PCGF5: variants seen among roughly 807,000 people sequenced by gnomAD.
The protein encoded by PCGF5 is polycomb group ring finger 5.
In PCGF5, 9 loss-of-function variants were observed where a neutral mutation model predicts 44.3. The observed-to-expected ratio is 0.20, with a 90% confidence interval of 0.12 to 0.35. The LOEUF (loss-of-function observed/expected upper bound fraction) is 0.35, where lower values mean the gene tolerates loss of function less well. PCGF5 is among the 10% of genes least tolerant of loss of function. PCGF5 has a pLI of 1.00. For synonymous variants in PCGF5, 95 were observed against 102.5 expected, an observed-to-expected ratio of 0.93 and a Z score of 0.44; for missense variants, 146 against 305.3, an observed-to-expected ratio of 0.48 and a Z score of 3.89.
chr10:91,252,961 A>G (rs912038755), intron 6 of PCGF5, among the ~76,000 whole-genome samples: 1 of 151,874 alleles, frequency 6.6e-6, no homozygotes, highest in Admixed American at 6.6e-5. Context: ...TTTTTCCTTT[A>G]TGGACTTTTC....
chr10:91,221,284 G>A (rs1476899237), intron 1 of PCGF5, among the ~76,000 whole-genome samples: 1 of 152,154 alleles, frequency 6.6e-6, no homozygotes, highest in African/African-American at 2.4e-5. Flanking sequence ...ACCACCCCAG[G>A]TCGGGACCGT....
chr10:91,193,642 G>T (rs893959022), intron 1 of PCGF5, among the ~76,000 whole-genome samples: 1 of 151,978 alleles, frequency 6.6e-6, no homozygotes, highest in African/African-American at 2.4e-5. Context: ...ACCATGAAGG[G>T]CTTTGGCTTT....
In PCGF5 at chr10:91,220,676, C is replaced by G. The variant is rs1844647763; in HGVS notation, c.-344C>G. The G allele has an allele frequency of 6.6e-6, 1 of 151,698 alleles. No individual in the cohort carries two copies. The highest frequency in any genetic ancestry group is 2.1e-4 in the South Asian group (1 of 4,834). 9.4% of individuals were successfully genotyped at this position (151,698 alleles called of 1,614,324 possible). ...CCGCCGCGCCCTGTCGGGCCTGAGC[C>G]GAGTGGCCCCACAGAGCCGGCGCGC... is the stretch of plus-strand genomic sequence containing the variant. On this transcript the variant is annotated 5_prime_UTR_variant, in exon 1 of 10. Transcript: ENST00000336126.
chr10:91,207,102 A>G (rs552046147), intron 1 of PCGF5, among the ~76,000 whole-genome samples: 1 of 152,314 alleles, frequency 6.6e-6, no homozygotes, highest in African/African-American at 2.4e-5. Context: ...TAGGAGGTGC[A>G]TTTTCTAAGA....
intron 9 of PCGF5, among the ~76,000 whole-genome samples, chr10:91,274,925 A>G (rs1846269325): frequency 1.3e-5 from 2 of 152,160 alleles, no homozygotes; most frequent in Non-Finnish European, 2.9e-5. Context: ...ATTCAATTCT[A>G]CCTCACATTT....
chr10:91,189,963 GA>G (rs1221882439), intron 1 of PCGF5, among the ~76,000 whole-genome samples: 1 of 152,192 alleles, frequency 6.6e-6, no homozygotes, highest in Non-Finnish European at 1.5e-5. Flanking sequence ...AAGCCAGACA[GA>G]AATTAAAGTG....
chr10:91,271,848 T>C lies in PCGF5; in HGVS notation c.723+151T>C, dbSNP rs183492618. The C allele has an allele frequency of 8.1e-4, 472 of 584,374 alleles. 1 individual carries two copies. The highest frequency in any genetic ancestry group is 8.0e-3 in the African/African-American group (428 of 53,490). 36.2% of individuals were successfully genotyped at this position (584,374 alleles called of 1,614,324 possible). ...CTTTTCAACTTATATACCCAAGATTTCCCATTATTTTAGTTCTCCTGAATT... is the reference window on the plus strand; with the variant it reads ...CTTTTCAACTTATATACCCAAGATTCCCCATTATTTTAGTTCTCCTGAATT... On this transcript the variant is annotated intron_variant, in intron 9 of 9. Coordinates refer to ENST00000336126, the MANE Select transcript of PCGF5 (RefSeq NM_032373.5).
intron 9 of PCGF5, 61 bp from the exon 10 acceptor site, chr10:91,278,208 T>C: frequency 7.4e-7 from 1 of 1,355,014 alleles, no homozygotes; most frequent in Non-Finnish European, 1.1e-6. Context: ...ATCTTTCATA[T>C]ATAAACTGTA....
intron 1 of PCGF5, among the ~76,000 whole-genome samples, chr10:91,172,412 C>A (rs992107430): frequency 2.0e-5 from 3 of 151,418 alleles, no homozygotes; most frequent in African/African-American, 7.3e-5. Context: ...GAATGAAACT[C>A]CCCTTCAGAG....
chr10:91,212,707 G>A (rs191433134), intron 1 of PCGF5, among the ~76,000 whole-genome samples: 152 of 152,258 alleles, frequency 1.0e-3, no homozygotes, highest in Middle Eastern at 6.8e-3. Flanking sequence ...ACTTTGGGTA[G>A]GTAAGAAAAT....
chr10:91,241,761 T>A (rs1845334082), intron 3 of PCGF5, among the ~76,000 whole-genome samples: 1 of 152,192 alleles, frequency 6.6e-6, no homozygotes, highest in East Asian at 1.9e-4. Context: ...ATATTTGCCA[T>A]CATTCTATAA....
At chr10:91,264,600 T>A in intron 8 of PCGF5, 80 bp downstream of exon 8, 1 of 1,101,300 alleles carries the variant, frequency 9.1e-7, no homozygotes, top group Non-Finnish European at 1.3e-6. Flanking sequence ...TATTAGAAAC[T>A]AAAAAAGACA....
intron 9 of PCGF5, among the ~76,000 whole-genome samples, 163 bp downstream of exon 9, chr10:91,271,860 A>T (rs1846189579): frequency 6.6e-6 from 1 of 152,340 alleles, no homozygotes; most frequent in Non-Finnish European, 1.5e-5. Flanking sequence ...CCATTATTTT[A>T]GTTCTCCTGA....
rs890022148 is a variant in PCGF5 at position 91,256,979 on chromosome 10, T to A, written c.475-4347T>A. 3.9e-5 allele frequency among the ~76,000 whole-genome samples: 6 copies of A among 152,046 alleles called. No homozygotes were observed. In the East Asian group the frequency reaches 1.2e-3, roughly 29 times the overall value. On this transcript the variant is annotated intron_variant, in intron 6 of 9. Transcript: ENST00000336126. ...GATAAATTGTAAATGTAAAACTTCA[T>A]TAAAATGTAAAACTCTTGTGTATCA...
intron 1 of PCGF5, among the ~76,000 whole-genome samples, chr10:91,188,531 A>G (rs184696918): frequency 1.3e-5 from 2 of 152,352 alleles, no homozygotes; most frequent in Admixed American, 6.5e-5. Flanking sequence ...TTTTGCTGCT[A>G]AGAAATTGGA....
intron 2 of PCGF5, among the ~76,000 whole-genome samples, chr10:91,239,465 T>C (rs1038023830): frequency 6.6e-6 from 1 of 152,196 alleles, no homozygotes; most frequent in Non-Finnish European, 1.5e-5. Context: ...TGTTTAGTTT[T>C]GACCAATCAT....
At chr10:91,214,696 C>T (rs754406607) in intron 1 of PCGF5, among the ~76,000 whole-genome samples, 14 of 152,012 alleles carry the variant, frequency 9.2e-5, no homozygotes, top group Non-Finnish European at 1.3e-4. Context: ...AACAGATGAA[C>T]GGCCAAAAGG....
rs929930008 is a variant in PCGF5, at chr10:91,280,809, A to G, written c.*2493A>G. The G allele has an allele frequency of 1.3e-5, 2 of 152,284 alleles. No individual in the cohort carries two copies. Among genetic ancestry groups the G allele is most frequent in the African/African-American group, 4.8e-5 (2 of 41,446 alleles). 9.4% of individuals were successfully genotyped at this position (152,284 alleles called of 1,614,324 possible). On this transcript the variant is annotated 3_prime_UTR_variant, in exon 10 of 10. Coordinates refer to ENST00000336126, the MANE Select transcript of PCGF5 (RefSeq NM_032373.5). ...GAAACTAGGTATAGAAAAAATGTAC[A>G]GGCAACTTTTGTGGTTAGCTTTATA... is the stretch of plus-strand genomic sequence containing the variant.
At chr10:91,231,075 A>T (rs1844989826) in intron 2 of PCGF5, among the ~76,000 whole-genome samples, 1 of 152,180 alleles carries the variant, frequency 6.6e-6, no homozygotes, top group Non-Finnish European at 1.5e-5. Flanking sequence ...TGTCAAAAAA[A>T]TTACTAGTAA....
Sources: allele counts gnomAD v4.1 joint callset (sites outside exome capture counted in the v4.1 genomes callset), GRCh38; gene constraint gnomAD v4.1.1; transcripts MANE v1.5; gene names NCBI Gene and HGNC (gene_info 2026-07-23, HGNC 2026-07-21).